Variants in NRXN3 observed in about 807,000 individuals in gnomAD.
The protein encoded by NRXN3 is neurexin 3, also known as neurexin III.
Under a neutral mutation model 137.6 loss-of-function variants are expected in NRXN3, and 32 were observed. The ratio of observed to expected loss-of-function variants is 0.23; its 90% CI spans 0.18 to 0.31. The LOEUF (loss-of-function observed/expected upper bound fraction) is 0.31. NRXN3 is among the 10% of genes least tolerant of loss of function. The pLI, the probability that NRXN3 is intolerant of heterozygous loss-of-function variation, is 1.00. For missense variants in NRXN3, 1,574 were observed against 2,062.5 expected (o/e 0.76, Z 4.59); for synonymous variants, 798 against 784.5 (o/e 1.02, Z -0.29).
At chr14:79,280,470 A>C (rs763882614) in intron 15 of NRXN3, 8 of 1,613,848 alleles carry the variant, frequency 5.0e-6, no homozygotes, top group Non-Finnish European at 6.8e-6. Flanking sequence ...CACCATTTCC[A>C]TGGCAGCAAG....
chr14:79,687,819 G>A lies in NRXN3; in HGVS notation c.3617-4354G>A, dbSNP rs8003588. On this transcript the variant is annotated intron_variant, in intron 17 of 20. Coordinates refer to ENST00000335750, the MANE Select transcript of NRXN3 (RefSeq NM_001330195.2). ...CAGTATATCATCATTACCTGTGGCT[G>A]GACCAAGAAATCACATTTGTCAATG... is the stretch of plus-strand genomic sequence containing the variant. Among the ~76,000 whole-genome samples the A allele has an allele frequency of 6.1e-3, 929 of 152,240 alleles. 4 individuals carry two copies. The highest frequency in any genetic ancestry group is 0.01 in the Non-Finnish European group (684 of 68,018).
intron 15 of NRXN3, among the ~76,000 whole-genome samples, chr14:79,213,401 C>G (rs1006172305): frequency 6.6e-6 from 1 of 152,044 alleles, no homozygotes; most frequent in Non-Finnish European, 1.5e-5. Context: ...CTCATGAAAT[C>G]AACATAAATT....
At chr14:78,292,679 T>C (rs1301550012) in intron 3 of NRXN3, among the ~76,000 whole-genome samples, 1 of 152,254 alleles carries the variant, frequency 6.6e-6, no homozygotes, top group Non-Finnish European at 1.5e-5. Context: ...AGCTGAACTT[T>C]AATGGTGCTG....
intron 10 of NRXN3, among the ~76,000 whole-genome samples, chr14:78,936,554 C>T (rs1026342827): frequency 5.3e-5 from 8 of 152,142 alleles, no homozygotes; most frequent in Non-Finnish European, 7.3e-5. Flanking sequence ...TACAAAGAGC[C>T]ATGAGAAAAC....
intron 19 of NRXN3, among the ~76,000 whole-genome samples, chr14:79,739,648 C>CAAAAAAAAAA (rs72347811): frequency 0.011 from 346 of 31,814 alleles, 52 homozygotes; most frequent in East Asian, 0.016. Flanking sequence ...GACTCTGCCT[C>CAAAAAAAAAA]AAAAAAAAAA....
chr14:78,190,866 G>T (rs910487504), intron 1 of NRXN3, among the ~76,000 whole-genome samples: 5 of 151,910 alleles, frequency 3.3e-5, no homozygotes, highest in Admixed American at 6.6e-5. Context: ...TAGAGATGGG[G>T]TTTCACCATG....
chr14:79,582,346 C>T (rs1301608441), intron 16 of NRXN3, among the ~76,000 whole-genome samples: 1 of 152,150 alleles, frequency 6.6e-6, no homozygotes, highest in Non-Finnish European at 1.5e-5. Context: ...CTTTTAGATC[C>T]AGATTTAAAA....
chr14:78,400,887 G>C (rs1015009243), intron 4 of NRXN3, among the ~76,000 whole-genome samples: 1 of 152,148 alleles, frequency 6.6e-6, no homozygotes, highest in Non-Finnish European at 1.5e-5. Context: ...ATCTTCATCT[G>C]TTTGTGCTGC....
chr14:79,663,602 T>G (rs1293292521), intron 16 of NRXN3, among the ~76,000 whole-genome samples, 176 bp from the exon 17 acceptor site: 2 of 152,098 alleles, frequency 1.3e-5, no homozygotes, highest in Non-Finnish European at 2.9e-5. Context: ...TGCCATTGGT[T>G]TTTATGCTCA....
intron 15 of NRXN3, among the ~76,000 whole-genome samples, chr14:79,033,099 G>T (rs141630625): frequency 6.6e-6 from 1 of 151,998 alleles, no homozygotes; most frequent in African/African-American, 2.4e-5. Context: ...TGTTCCCTTT[G>T]TCCCCATCAC....
At chr14:78,553,506 C>G (rs940427146) in intron 4 of NRXN3, among the ~76,000 whole-genome samples, 1 of 152,194 alleles carries the variant, frequency 6.6e-6, no homozygotes, top group Non-Finnish European at 1.5e-5. Context: ...ATGGGGCACT[C>G]TAGCCCCATC....
intron 16 of NRXN3, among the ~76,000 whole-genome samples, chr14:79,614,265 A>G (rs998660658): frequency 5.3e-5 from 8 of 152,212 alleles, no homozygotes; most frequent in Admixed American, 2.0e-4. Context: ...GGAATAGAAG[A>G]CCCAGCATTT....
At chr14:78,705,974 CAGTT>C (rs2098343153) in intron 6 of NRXN3, among the ~76,000 whole-genome samples, 1 of 152,222 alleles carries the variant, frequency 6.6e-6, no homozygotes, top group Admixed American at 6.5e-5. Context: ...CTCCCAGTCT[CAGTT>C]AGGTACCCTT....
intron 4 of NRXN3, among the ~76,000 whole-genome samples, chr14:78,306,774 C>T (rs2077412570): frequency 6.6e-6 from 1 of 152,104 alleles, no homozygotes; most frequent in Non-Finnish European, 1.5e-5. Context: ...ATTAGAAAAG[C>T]AATGCTTATT....
intron 15 of NRXN3, among the ~76,000 whole-genome samples, chr14:79,376,204 GTGTGTGTA>G (rs1430758879): frequency 1.4e-4 from 15 of 104,488 alleles, no homozygotes; most frequent in African/African-American, 5.6e-4. Flanking sequence ...GGGTGTGTGT[GTGTGTGTA>G]TGTATATATA....
At chr14:79,271,082 T>C (rs917097333) in intron 15 of NRXN3, among the ~76,000 whole-genome samples, 1 of 152,218 alleles carries the variant, frequency 6.6e-6, no homozygotes, top group African/African-American at 2.4e-5. Context: ...TCTTAGACGA[T>C]GTACTTTTCA....
Position 79,803,321 on chromosome 14 carries a change from A to G in NRXN3, c.4015-1791A>G, listed in dbSNP as rs142206690. Among the ~76,000 whole-genome samples the G allele has an allele frequency of 4.1e-3, 625 of 152,326 alleles. 16 individuals carry two copies. The highest frequency in any genetic ancestry group is 0.036 in the Admixed American group (554 of 15,294). On this transcript the variant is annotated intron_variant, in intron 19 of 20. Coordinates refer to ENST00000335750, the MANE Select transcript of NRXN3 (RefSeq NM_001330195.2). The stretch of plus-strand genomic sequence containing the variant: ...TTCATTTATTAGGGTTGTCATAACA[A>G]AATATCCCAGACCAGGTGGCTTAGA...
intron 16 of NRXN3, among the ~76,000 whole-genome samples, chr14:79,517,102 C>CT (rs1009762722): frequency 6.0e-5 from 9 of 150,770 alleles, no homozygotes; most frequent in Non-Finnish European, 1.0e-4. Flanking sequence ...GCCCCCCCCC[C>CT]CTCAACGAAT....
intron 10 of NRXN3, among the ~76,000 whole-genome samples, chr14:78,843,385 A>G (rs1277486701): frequency 1.3e-5 from 2 of 152,172 alleles, no homozygotes; most frequent in African/African-American, 2.4e-5. Flanking sequence ...TTATTATAAT[A>G]CAATAGGCTT....
Sources: allele counts gnomAD v4.1 joint callset (sites outside exome capture counted in the v4.1 genomes callset), GRCh38; gene constraint gnomAD v4.1.1; transcripts MANE v1.5; gene names NCBI Gene and HGNC (gene_info 2026-07-23, HGNC 2026-07-21).